Variants in ATXN7L1 observed in about 807,000 individuals in gnomAD.
ATXN7L1 encodes the protein ataxin-7-like protein 1.
Under a neutral mutation model 70.8 loss-of-function variants are expected in ATXN7L1, and 15 were observed. That is an observed-to-expected ratio of 0.21 (90% confidence interval 0.14 to 0.33). The LOEUF (loss-of-function observed/expected upper bound fraction) is 0.33. Ranked by LOEUF, ATXN7L1 falls within the 10% of genes least tolerant of loss-of-function variation. ATXN7L1 has a pLI of 1.00. For synonymous variants in ATXN7L1, 440 were observed against 445.1 expected (o/e 0.99, Z 0.14); for missense variants, 975 against 1,097.1 (o/e 0.89, Z 1.57).
intron 3 of ATXN7L1, among the ~76,000 whole-genome samples, chr7:105,765,736 T>C (rs531177444): frequency 7.9e-5 from 12 of 152,348 alleles, no homozygotes; most frequent in Admixed American, 6.5e-4. Flanking sequence ...CCATAGATAA[T>C]GAAGAGCTGG....
chr7:105,754,295 TTCTCACTGCCCA>T (rs973509133), intron 3 of ATXN7L1, among the ~76,000 whole-genome samples: 1 of 152,176 alleles, frequency 6.6e-6, no homozygotes, highest in African/African-American at 2.4e-5. Flanking sequence ...CACAGACACT[TTCTCACTGCCCA>T]TCTTGGAAGA....
At position 105,798,555 on chromosome 7, in the gene ATXN7L1, A is replaced by C. The variant is rs370835719; in HGVS notation, c.251-9847T>G. Among the ~76,000 whole-genome samples, 59 of 152,346 alleles carry C rather than the reference A, an allele frequency of 3.9e-4. No individual in the cohort carries two copies. The East Asian group carries it at 7.9e-3, about 20-fold the overall frequency. On this transcript the variant is annotated intron_variant, in intron 2 of 11. Coordinates refer to ENST00000419735, the MANE Select transcript of ATXN7L1 (RefSeq NM_020725.2). The stretch of plus-strand genomic sequence containing the variant: ...GACAGTGATGACCTTGGTAGCCAAG[A>C]GAATAACTGTGCAAAGGGCTCCCCT...
chr7:105,700,508 CAAAAAAAAAAAA>C (rs1186998293), intron 3 of ATXN7L1, among the ~76,000 whole-genome samples: 1 of 49,808 alleles, frequency 2.0e-5, no homozygotes, highest in African/African-American at 8.8e-5. Context: ...GACTCTGTCT[CAAAAAAAAAAAA>C]AAAAAAAAAA....
Position 105,606,431 on chromosome 7 carries a change from T to G in ATXN7L1, c.*1421A>C, listed in dbSNP as rs1198553015. Reference sequence around the variant, plus strand: ...TGAGGGTTCTGCCCAGCTATGAAACTAGCATTCATTTCTGATTTAAGGATG... The same window carrying G: ...TGAGGGTTCTGCCCAGCTATGAAACGAGCATTCATTTCTGATTTAAGGATG... On this transcript the variant is annotated 3_prime_UTR_variant, in exon 12 of 12. Coordinates refer to ENST00000419735, the MANE Select transcript of ATXN7L1 (RefSeq NM_020725.2). 6.6e-6 allele frequency: 1 copy of G among 152,182 alleles called. No homozygotes were observed. The highest frequency in any genetic ancestry group is 2.4e-5 in the African/African-American group (1 of 41,444). The allele number at this position is 152,182 out of a possible 1,614,324, so 9.4% of individuals were successfully genotyped here.
intron 3 of ATXN7L1, among the ~76,000 whole-genome samples, chr7:105,695,823 C>A (rs1446826269): frequency 6.6e-6 from 1 of 152,184 alleles, no homozygotes; most frequent in Non-Finnish European, 1.5e-5. Flanking sequence ...TTAATCTGGC[C>A]TGATACTACT....
At chr7:105,854,412 C>G (rs1286437017) in intron 2 of ATXN7L1, among the ~76,000 whole-genome samples, 1 of 137,618 alleles carries the variant, frequency 7.3e-6, no homozygotes. Context: ...CGGCTCGAGA[C>G]AGATGCTCAC....
chr7:105,831,935 G>A (rs1472033889), intron 2 of ATXN7L1, among the ~76,000 whole-genome samples: 1 of 152,174 alleles, frequency 6.6e-6, no homozygotes, highest in Non-Finnish European at 1.5e-5. Flanking sequence ...AGAAATCAGA[G>A]TTGTTTAAGA....
At chr7:105,613,450 T>G in intron 10 of ATXN7L1, 1 of 1,028,346 alleles carries the variant, frequency 9.7e-7, no homozygotes, top group African/African-American at 1.7e-5. Flanking sequence ...CCTAAGGGGG[T>G]TCCAACAGAT....
intron 3 of ATXN7L1, 117 bp downstream of exon 3, chr7:105,788,487 C>T (rs1585007038): frequency 1.2e-6 from 1 of 831,022 alleles, no homozygotes; most frequent in Non-Finnish European, 2.0e-6. Flanking sequence ...GAAGACTTTA[C>T]CCACAGCCTC....
intron 3 of ATXN7L1, among the ~76,000 whole-genome samples, chr7:105,721,282 T>C (rs886291335): frequency 6.6e-6 from 1 of 152,102 alleles, no homozygotes; most frequent in Non-Finnish European, 1.5e-5. Flanking sequence ...ATGGCCATCA[T>C]GGTTTCCAGC....
At chr7:105,843,790 A>T (rs1381795447) in intron 2 of ATXN7L1, among the ~76,000 whole-genome samples, 1 of 152,258 alleles carries the variant, frequency 6.6e-6, no homozygotes, top group Non-Finnish European at 1.5e-5. Context: ...CAATTCTTGT[A>T]GAAAGCTATG....
chr7:105,701,779 A>C (rs1427006358), intron 3 of ATXN7L1, among the ~76,000 whole-genome samples: 1 of 152,182 alleles, frequency 6.6e-6, no homozygotes, highest in Non-Finnish European at 1.5e-5. Flanking sequence ...ATCACAGCTC[A>C]TTGTAGCCTC....
At position 105,836,986 on chromosome 7, in the gene ATXN7L1, A is replaced by G. The variant is rs568805324; in HGVS notation, c.250+38826T>C. On this transcript the variant is annotated intron_variant, in intron 2 of 11. Transcript: ENST00000419735. ...GGCAGGAGAATCGCTTGAACCCAGG[A>G]GGTGGAGGCATGGTACTGACATTGC... Among the ~76,000 whole-genome samples the G allele has an allele frequency of 3.3e-5, 5 of 152,250 alleles. No homozygotes were observed. The East Asian group carries it at 7.7e-4, about 24-fold the overall frequency.
chr7:105,739,204 C>T lies in ATXN7L1; in HGVS notation c.355+49400G>A, dbSNP rs192421014. 2.0e-3 allele frequency among the ~76,000 whole-genome samples: 300 copies of T among 152,322 alleles called. 1 individual carries two copies. The highest frequency in any genetic ancestry group is 6.9e-3 in the African/African-American group (288 of 41,558). ...GTGGTCCCTGGACAAGCAACAGCAT[C>T]AATGGGAGCCCATTAATCACGCTTT... On this transcript the variant is annotated intron_variant, in intron 3 of 11. Transcript: ENST00000419735.
intron 3 of ATXN7L1, among the ~76,000 whole-genome samples, chr7:105,725,455 T>G (rs1795692958): frequency 6.6e-6 from 1 of 152,210 alleles, no homozygotes; most frequent in African/African-American, 2.4e-5. Flanking sequence ...CCTTCCTTAC[T>G]TCCTCTTCAG....
At chr7:105,768,804 A>G (rs1486453321) in intron 3 of ATXN7L1, among the ~76,000 whole-genome samples, 1 of 152,286 alleles carries the variant, frequency 6.6e-6, no homozygotes, top group East Asian at 1.9e-4. Flanking sequence ...TAGTTATTGC[A>G]GAAAGCTTGG....
chr7:105,760,507 C>T (rs1800401453), intron 3 of ATXN7L1: 1 of 985,744 alleles, frequency 1.0e-6, no homozygotes, highest in Admixed American at 6.1e-5. Flanking sequence ...AATTTCTCAA[C>T]TAGCCTCACT....
intron 3 of ATXN7L1, among the ~76,000 whole-genome samples, chr7:105,667,017 T>TA (rs1301504171): frequency 6.6e-6 from 1 of 152,244 alleles, no homozygotes; most frequent in Non-Finnish European, 1.5e-5. Flanking sequence ...AAGGGATACT[T>TA]ACACCTGTTC....
chr7:105,759,412 G>A (rs1033901999), intron 3 of ATXN7L1, among the ~76,000 whole-genome samples: 2 of 151,534 alleles, frequency 1.3e-5, no homozygotes, highest in Non-Finnish European at 2.9e-5. Flanking sequence ...CCTCGCTGGA[G>A]GAGGAGCCAA....
Sources: gnomAD v4.1 joint callset for allele counts (sites outside exome capture counted in the v4.1 genomes callset) on GRCh38, gnomAD v4.1.1 for gene constraint, MANE v1.5 for transcripts, NCBI Gene and HGNC (gene_info 2026-07-23, HGNC 2026-07-21) for gene names.